Variants in ZNF652 observed in about 807,000 individuals in gnomAD.
ZNF652 encodes the protein zinc finger protein 652.
Under a neutral mutation model 45.2 loss-of-function variants are expected in ZNF652, and 16 were observed. The ratio of observed to expected loss-of-function variants is 0.35; its 90% CI spans 0.24 to 0.54. ZNF652 has a LOEUF of 0.54. ZNF652 is among the 20% of genes least tolerant of loss of function. The probability of loss-of-function intolerance (pLI) is 0.91; values close to 1 mark genes in which losing one functional copy is unlikely to be tolerated. For missense variants in ZNF652, 614 were observed against 765.6 expected (o/e 0.80, Z 2.34); for synonymous variants, 250 against 260.6 (o/e 0.96, Z 0.39).
intron 1 of ZNF652, among the ~76,000 whole-genome samples, chr17:49,345,294 C>T (rs2070193190): frequency 6.6e-6 from 1 of 151,082 alleles, no homozygotes; most frequent in Non-Finnish European, 1.5e-5. Flanking sequence ...CCTCCTCCTC[C>T]CGGGTTCAAG....
At chr17:49,340,824 G>T (rs1238811820) in intron 1 of ZNF652, among the ~76,000 whole-genome samples, 1 of 152,098 alleles carries the variant, frequency 6.6e-6, no homozygotes, top group Non-Finnish European at 1.5e-5. Flanking sequence ...CAGGAGGATA[G>T]CTTGAGCCCA....
intron 1 of ZNF652, among the ~76,000 whole-genome samples, chr17:49,327,720 TAAA>T (rs1215137515): frequency 1.3e-5 from 1 of 78,746 alleles, no homozygotes; most frequent in Non-Finnish European, 2.5e-5. Flanking sequence ...TGTCTACTTT[TAAA>T]TAAATAAATA....
At chr17:49,352,897 T>C (rs2070297373) in intron 1 of ZNF652, among the ~76,000 whole-genome samples, 1 of 152,198 alleles carries the variant, frequency 6.6e-6, no homozygotes, top group Admixed American at 6.5e-5. Context: ...ACATACTATA[T>C]GAGTCCATGT....
chr17:49,337,650 G>C (rs549011880), intron 1 of ZNF652, among the ~76,000 whole-genome samples: 12 of 152,264 alleles, frequency 7.9e-5, no homozygotes, highest in Non-Finnish European at 1.6e-4. Context: ...TCAAACAAGG[G>C]ATTTATTTAT....
At chr17:49,318,719 T>C (rs2069846027) in intron 1 of ZNF652, among the ~76,000 whole-genome samples, 1 of 152,222 alleles carries the variant, frequency 6.6e-6, no homozygotes, top group South Asian at 2.1e-4. Flanking sequence ...GAGCTTTATA[T>C]TGGCTGACTT....
chr17:49,356,997 TAAA>T (rs34251428), intron 1 of ZNF652, among the ~76,000 whole-genome samples: 1 of 138,702 alleles, frequency 7.2e-6, no homozygotes, highest in Admixed American at 7.3e-5. Flanking sequence ...AACTATGTTT[TAAA>T]AAAAAAAAAA....
chr17:49,356,121 T>A (rs185595394), intron 1 of ZNF652, among the ~76,000 whole-genome samples: 13 of 151,718 alleles, frequency 8.6e-5, no homozygotes, highest in African/African-American at 2.7e-4. Flanking sequence ...TACTTCGTTA[T>A]TTCATTTAAA....
chr17:49,328,517 C>T (rs976886065), intron 1 of ZNF652, among the ~76,000 whole-genome samples: 1 of 152,108 alleles, frequency 6.6e-6, no homozygotes, highest in Non-Finnish European at 1.5e-5. Context: ...GCAGATCCCT[C>T]ATGAATGGCC....
chr17:49,344,514 CA>C (rs201289227), intron 1 of ZNF652, among the ~76,000 whole-genome samples: 5,851 of 134,480 alleles, frequency 0.044, 303 homozygotes, highest in African/African-American at 0.11. Flanking sequence ...CACATCAAAG[CA>C]AAATTTTTTT....
At chr17:49,305,615 T>G (rs532595370) in intron 5 of ZNF652, among the ~76,000 whole-genome samples, 1 of 152,062 alleles carries the variant, frequency 6.6e-6, no homozygotes, top group Non-Finnish European at 1.5e-5. Flanking sequence ...ATCTGGCACA[T>G]AGTACTCAAT....
intron 2 of ZNF652, among the ~76,000 whole-genome samples, chr17:49,314,803 A>C (rs1352737504): frequency 2.0e-5 from 3 of 152,186 alleles, no homozygotes; most frequent in African/African-American, 7.2e-5. Flanking sequence ...AAGAGTTAAA[A>C]GATAAACCTC....
chr17:49,356,242 A>G (rs1052864955), intron 1 of ZNF652, among the ~76,000 whole-genome samples: 5 of 151,988 alleles, frequency 3.3e-5, no homozygotes, highest in Non-Finnish European at 7.4e-5. Context: ...CCTGGCTAAC[A>G]TGGCGAAATC....
intron 1 of ZNF652, among the ~76,000 whole-genome samples, chr17:49,318,865 C>A (rs1338114743): frequency 6.6e-6 from 1 of 152,116 alleles, no homozygotes; most frequent in East Asian, 1.9e-4. Context: ...ATGTCCTTGG[C>A]CTTAAATCAT....
chr17:49,336,858 G>C (rs1054378581), intron 1 of ZNF652, among the ~76,000 whole-genome samples: 1 of 150,714 alleles, frequency 6.6e-6, no homozygotes, highest in Non-Finnish European at 1.5e-5. Context: ...AGGAGTTCGA[G>C]AACAGCCCAC....
intron 1 of ZNF652, among the ~76,000 whole-genome samples, chr17:49,355,793 G>A (rs2070329986): frequency 6.6e-6 from 1 of 151,976 alleles, no homozygotes; most frequent in Non-Finnish European, 1.5e-5. Context: ...AGCTACTTGG[G>A]AGGCTAAGGC....
intron 1 of ZNF652, among the ~76,000 whole-genome samples, chr17:49,330,358 T>TC (rs1271378218): frequency 6.6e-6 from 1 of 152,220 alleles, no homozygotes; most frequent in Non-Finnish European, 1.5e-5. Flanking sequence ...AGTGGCATGA[T>TC]CTCAGCTCAC....
chr17:49,333,424 A>T (rs2070045817), intron 1 of ZNF652, among the ~76,000 whole-genome samples: 1 of 149,104 alleles, frequency 6.7e-6, no homozygotes, highest in Admixed American at 6.7e-5. Context: ...AAGATATACA[A>T]ATGGGCCAGG....
intron 1 of ZNF652, among the ~76,000 whole-genome samples, chr17:49,331,924 G>A (rs565172416): frequency 6.6e-6 from 1 of 152,186 alleles, no homozygotes; most frequent in Non-Finnish European, 1.5e-5. Flanking sequence ...AGCTGAGATC[G>A]CAGCACTGCA....
intron 5 of ZNF652, among the ~76,000 whole-genome samples, chr17:49,310,940 T>C (rs1221325690): frequency 1.3e-5 from 2 of 152,110 alleles, no homozygotes; most frequent in African/African-American, 4.8e-5. Context: ...GAGAGGGGTA[T>C]TCTATTAAAG....
Sources: allele counts gnomAD v4.1 joint callset (sites outside exome capture counted in the v4.1 genomes callset), GRCh38; gene constraint gnomAD v4.1.1; transcripts MANE v1.5; gene names NCBI Gene and HGNC (gene_info 2026-07-23, HGNC 2026-07-21).